DHRSX: variants seen among roughly 807,000 people sequenced by gnomAD.
The protein encoded by DHRSX is dehydrogenase/reductase X-linked.
DHRSX carries 31 observed loss-of-function variants against 34.0 expected under a neutral mutation model. That is an observed-to-expected ratio of 0.91 (90% CI 0.69 to 1.23). The LOEUF (loss-of-function observed/expected upper bound fraction) is 1.23. Among genes scored for constraint, DHRSX ranks in the 50% most tolerant of loss-of-function variants. The probability of loss-of-function intolerance (pLI) is 0.00; values close to 1 mark genes in which losing one functional copy is unlikely to be tolerated. For synonymous variants in DHRSX, 201 were observed against 183.8 expected, an observed-to-expected ratio of 1.09 and a Z score of -0.76; for missense variants, 414 against 428.1, an observed-to-expected ratio of 0.97 and a Z score of 0.29.
intron 1 of DHRSX, among the ~76,000 whole-genome samples, chrX:2,493,252 A>G (rs1420060889): frequency 6.6e-6 from 1 of 152,200 alleles, no homozygotes; most frequent in African/African-American, 2.4e-5. Context: ...CGGAGGGGGA[A>G]AAGAATCTCA....
At chrX:2,462,588 T>G (rs1241913350) in intron 1 of DHRSX, among the ~76,000 whole-genome samples, 1 of 151,928 alleles carries the variant, frequency 6.6e-6, no homozygotes, top group Non-Finnish European at 1.5e-5. Flanking sequence ...GACACAGGAC[T>G]GAAGGGTAAC....
intron 3 of DHRSX, among the ~76,000 whole-genome samples, chrX:2,385,838 G>A (rs894936783): frequency 6.8e-4 from 104 of 152,230 alleles, no homozygotes; most frequent in African/African-American, 2.5e-3. Context: ...TCATTTGGGA[G>A]TAAAACGGTT....
chrX:2,490,043 A>C, intron 1 of DHRSX: 1 of 1,613,788 alleles, frequency 6.2e-7, no homozygotes, highest in Non-Finnish European at 8.5e-7. Flanking sequence ...GCCCATGGAC[A>C]GGCAGTTGGG....
At chrX:2,368,839 G>T (rs1349608434) in intron 3 of DHRSX, among the ~76,000 whole-genome samples, 1 of 152,134 alleles carries the variant, frequency 6.6e-6, no homozygotes, top group Non-Finnish European at 1.5e-5. Flanking sequence ...AACAGAACAA[G>T]ACTCTGTCTC....
At chrX:2,370,380 C>G (rs1161523126) in intron 3 of DHRSX, among the ~76,000 whole-genome samples, 1 of 152,052 alleles carries the variant, frequency 6.6e-6, no homozygotes, top group Non-Finnish European at 1.5e-5. Context: ...CCATGTTGGT[C>G]AGGCTGGTCT....
intron 3 of DHRSX, among the ~76,000 whole-genome samples, chrX:2,380,063 G>A (rs943893657): frequency 4.6e-5 from 7 of 152,020 alleles, no homozygotes; most frequent in East Asian, 1.9e-4. Flanking sequence ...TCGGGAGGCC[G>A]AGGCGGGCAA....
At chrX:2,442,160 A>G (rs1420060101) in intron 1 of DHRSX, among the ~76,000 whole-genome samples, 2 of 152,180 alleles carry the variant, frequency 1.3e-5, no homozygotes, top group Non-Finnish European at 2.9e-5. Context: ...GCTAGAGAAA[A>G]GAAAATGCTA....
In DHRSX at chrX:2,221,235, GGAA is replaced by G; in HGVS notation, c.805-9_805-7del. 1.2e-6 allele frequency: 2 copies of G among 1,611,448 alleles called. No homozygotes were observed. Among genetic ancestry groups the G allele is most frequent in the Non-Finnish European group, 1.7e-6 (2 of 1,178,692 alleles). On this transcript the variant is annotated splice_polypyrimidine_tract_variant and splice_region_variant and intron_variant, in intron 6 of 6. Transcript: ENST00000334651. ...CACGCTCCTTCATCGGGGGTCTGGT[GGAA>G]GAAGAAAAGAAGGCTACGATGAGTC... is the stretch of plus-strand genomic sequence containing the variant.
chrX:2,284,266 GAATT>G (rs201417314), intron 4 of DHRSX, among the ~76,000 whole-genome samples: 1,567 of 151,898 alleles, frequency 0.01, 18 homozygotes, highest in African/African-American at 0.032. Flanking sequence ...TCATTCCTTA[GAATT>G]AATTCATTTG....
At chrX:2,222,479 T>C (rs1477748000) in intron 6 of DHRSX, among the ~76,000 whole-genome samples, 4 of 152,192 alleles carry the variant, frequency 2.6e-5, no homozygotes, top group African/African-American at 7.2e-5. Context: ...TTTTAGAAGC[T>C]CCTCCTTGTT....
intron 4 of DHRSX, among the ~76,000 whole-genome samples, chrX:2,288,628 G>T (rs186167932): frequency 6.6e-6 from 1 of 152,354 alleles, no homozygotes; most frequent in East Asian, 1.9e-4. Flanking sequence ...ACCAGTGTCA[G>T]CCATAGACTC....
At chrX:2,334,864 A>T (rs1035405942) in intron 3 of DHRSX, 6 of 152,140 alleles carry the variant, frequency 3.9e-5, no homozygotes, top group Non-Finnish European at 5.9e-5. Flanking sequence ...AACCCTGAAT[A>T]TCTGAGATGG....
chrX:2,334,759 C>G (rs2042531155), intron 3 of DHRSX: 1 of 152,152 alleles, frequency 6.6e-6, no homozygotes, highest in African/African-American at 2.4e-5. Context: ...AATATTTTAA[C>G]TTAATTTATA....
At chrX:2,292,292 G>A (rs1268980068) in intron 3 of DHRSX, among the ~76,000 whole-genome samples, 3 of 152,170 alleles carry the variant, frequency 2.0e-5, no homozygotes, top group African/African-American at 7.2e-5. Flanking sequence ...CCCCAGATCT[G>A]CAGCTTCCAG....
intron 3 of DHRSX, among the ~76,000 whole-genome samples, chrX:2,330,942 G>A (rs2042464768): frequency 6.6e-6 from 1 of 152,112 alleles, no homozygotes; most frequent in Non-Finnish European, 1.5e-5. Flanking sequence ...ACTGATGAAG[G>A]AGGAGCAGGA....
intron 5 of DHRSX, among the ~76,000 whole-genome samples, chrX:2,256,194 C>T (rs2041276050): frequency 6.6e-6 from 1 of 150,750 alleles, no homozygotes; most frequent in Non-Finnish European, 1.5e-5. Flanking sequence ...GGGGTTTCAC[C>T]ATGTTGGCCA....
intron 5 of DHRSX, among the ~76,000 whole-genome samples, chrX:2,250,161 CAAA>C (rs1036532155): frequency 2.0e-5 from 2 of 101,820 alleles, no homozygotes; most frequent in Admixed American, 1.1e-4. Context: ...GACTCCATCT[CAAA>C]AAAAAAAAAA....
At chrX:2,382,867 C>A (rs111221427) in intron 3 of DHRSX, among the ~76,000 whole-genome samples, 2 of 148,362 alleles carry the variant, frequency 1.3e-5, no homozygotes, top group Admixed American at 6.7e-5. Context: ...ATCATCATCA[C>A]TATCATCATC....
intron 1 of DHRSX, among the ~76,000 whole-genome samples, chrX:2,466,153 G>A (rs2044492141): frequency 1.3e-5 from 2 of 152,188 alleles, no homozygotes; most frequent in Admixed American, 1.3e-4. Flanking sequence ...AAAAGAATGG[G>A]ATTGGTTGGG....
Sources: gnomAD v4.1 joint callset for allele counts (sites outside exome capture counted in the v4.1 genomes callset) on GRCh38, gnomAD v4.1.1 for gene constraint, MANE v1.5 for transcripts, NCBI Gene and HGNC (gene_info 2026-07-23, HGNC 2026-07-21) for gene names.